The following ADGRG1 variants were observed in gnomAD, a reference collection of about 807,000 sequenced individuals.
ADGRG1 encodes 7-transmembrane protein with no EGF-like N-terminal domains-1.
A neutral mutation model predicts 73.5 loss-of-function variants in ADGRG1; 53 were observed. That is an observed-to-expected ratio of 0.72 (90% CI 0.58 to 0.91). The LOEUF (loss-of-function observed/expected upper bound fraction) is 0.91, where lower values mean the gene tolerates loss of function less well. ADGRG1 is among the 40% of genes least tolerant of loss of function. The pLI is 0.00. For missense variants in ADGRG1, 795 were observed against 871.8 expected, an observed-to-expected ratio of 0.91 and a Z score of 1.11; for synonymous variants, 394 against 374.4, an observed-to-expected ratio of 1.05 and a Z score of -0.60.
At position 57,654,725 on chromosome 16, in the gene ADGRG1, T is replaced by C. The variant is rs567689891; in HGVS notation, c.768+592T>C. ...TGAAACCCTGTCTCTACTAAAAATA[T>C]AAAAATTAGCCGGGCATGGTAGTAC... is the stretch of plus-strand genomic sequence containing the variant. On this transcript the variant is annotated intron_variant, in intron 5 of 13. Transcript: ENST00000562631. Among the ~76,000 whole-genome samples, 14 of 152,036 alleles carry C rather than the reference T, an allele frequency of 9.2e-5. No individual in the cohort carries two copies. In the East Asian group the frequency reaches 2.7e-3, roughly 29 times the overall value.
intron 1 of ADGRG1, chr16:57,634,582 T>A: frequency 1.6e-6 from 1 of 638,922 alleles, no homozygotes; most frequent in Non-Finnish European, 1.9e-6. Context: ...GAGCAGTCAG[T>A]GGTAGCAGAG....
chr16:57,653,018 C>A, intron 3 of ADGRG1, 185 bp from the exon 4 acceptor site: 1 of 1,460,506 alleles, frequency 6.8e-7, no homozygotes, highest in East Asian at 2.5e-5. Context: ...GACACAACCC[C>A]CACGGGTTGG....
chr16:57,639,279 A>G, intron 1 of ADGRG1: 3 of 985,478 alleles, frequency 3.0e-6, no homozygotes, highest in Non-Finnish European at 3.6e-6. Flanking sequence ...TGGCCTGGGC[A>G]GCGTCTGAGT....
chr16:57,654,156 AAGC>A (rs770955891), intron 5 of ADGRG1, 23 bp downstream of exon 5: 25 of 1,606,108 alleles, frequency 1.6e-5, no homozygotes, highest in Non-Finnish European at 2.0e-5. Flanking sequence ...CCTGGGCAGG[AAGC>A]AGATGCGGGT....
chr16:57,633,485 T>G, intron 1 of ADGRG1: 4 of 985,362 alleles, frequency 4.1e-6, no homozygotes, highest in Non-Finnish European at 4.8e-6. Context: ...CCCAGACCTT[T>G]GCTTTTCCAT....
At chr16:57,641,327 C>T (rs1425039684) in intron 1 of ADGRG1, 2 of 985,264 alleles carry the variant, frequency 2.0e-6, no homozygotes, top group Non-Finnish European at 1.2e-6. Flanking sequence ...GCCCTGGCGC[C>T]CAGGAGGCTG....
At chr16:57,638,120 C>T (rs1214555172) in intron 1 of ADGRG1, among the ~76,000 whole-genome samples, 1 of 152,204 alleles carries the variant, frequency 6.6e-6, no homozygotes, top group Non-Finnish European at 1.5e-5. Flanking sequence ...TGGAAGAGAG[C>T]GAGCTCCCTG....
At chr16:57,632,090 G>A (rs920025722) in intron 1 of ADGRG1, 22 of 985,330 alleles carry the variant, frequency 2.2e-5, no homozygotes, top group East Asian at 1.1e-4. Flanking sequence ...CCTTGCACAC[G>A]ACACCCACTT....
At chr16:57,631,938 T>C (rs967843335) in intron 1 of ADGRG1, 13 of 975,940 alleles carry the variant, frequency 1.3e-5, no homozygotes, top group African/African-American at 1.8e-5. Context: ...ACACATTTTC[T>C]GACCACTGCC....
At chr16:57,628,937 T>TGA (rs1555531088) in intron 1 of ADGRG1, 135 bp downstream of exon 1, 5 of 774,780 alleles carry the variant, frequency 6.5e-6, no homozygotes, top group Non-Finnish European at 7.7e-6. Context: ...AGTGTGAGTG[T>TGA]GAGCGTGAGA....
chr16:57,631,794 G>A (rs1181619481), intron 1 of ADGRG1: 13 of 985,794 alleles, frequency 1.3e-5, no homozygotes, highest in Non-Finnish European at 1.4e-5. Flanking sequence ...TCACTTGGCT[G>A]AGACCCTGCC....
At chr16:57,653,798 G>A (rs900486329) in intron 4 of ADGRG1, 188 bp from the exon 5 acceptor site, 3 of 984,454 alleles carry the variant, frequency 3.0e-6, no homozygotes, top group Non-Finnish European at 3.6e-6. Context: ...TCTCCCACAC[G>A]CAGATGCCTG....
intron 1 of ADGRG1, 159 bp downstream of exon 1, chr16:57,628,961 TGA>T (rs1362160756): frequency 2.0e-5 from 11 of 553,456 alleles, no homozygotes; most frequent in Non-Finnish European, 2.4e-5. Flanking sequence ...TGAGAGTGTG[TGA>T]GTGTGAGTGT....
chr16:57,627,211 G>A, upstream of ADGRG1: 2 of 397,486 alleles, frequency 5.0e-6, no homozygotes, highest in Non-Finnish European at 6.9e-6. Context: ...CTCCTAGGCT[G>A]CCCGAGACGT....
At chr16:57,633,487 C>G (rs1190880422) in intron 1 of ADGRG1, 1 of 985,384 alleles carries the variant, frequency 1.0e-6, no homozygotes, top group Non-Finnish European at 1.2e-6. Context: ...CAGACCTTTG[C>G]TTTTCCATCC....
At chr16:57,646,639 C>A (rs1375809264) in intron 1 of ADGRG1, 6 of 985,034 alleles carry the variant, frequency 6.1e-6, no homozygotes, top group Non-Finnish European at 7.2e-6. Flanking sequence ...ATTCTAAAGC[C>A]GGGGAGTTGG....
chr16:57,655,343 G>A lies in ADGRG1; in HGVS notation c.769-56G>A, dbSNP rs116436843. On this transcript the variant is annotated intron_variant, in intron 5 of 13. Transcript: ENST00000562631. ...GGTGTGTGTGTGTGTGTGCTAGGGT[G>A]GGGGGCACGGATCTAGGGGTCCGCA... The A allele has an allele frequency of 6.1e-4, 971 of 1,600,658 alleles. 10 individuals carry two copies. The African/African-American group carries it at 0.012, about 20-fold the overall frequency.
intron 9 of ADGRG1, 113 bp from the exon 10 acceptor site, chr16:57,657,260 T>C (rs999272590): frequency 4.0e-6 from 6 of 1,504,930 alleles, no homozygotes; most frequent in Non-Finnish European, 5.5e-6. Flanking sequence ...GGAGAGGGGG[T>C]TCTTAGGCTT....
chr16:57,663,484 C>T lies in ADGRG1; in HGVS notation c.1966C>T (p.Arg656Trp), dbSNP rs200285648. 45 of 1,613,796 alleles carry T rather than the reference C, an allele frequency of 2.8e-5. No homozygotes were observed. The highest frequency in any genetic ancestry group is 1.5e-4 in the Admixed American group (9 of 60,012). ...CATCTTCATCTGGTACTGGTCCATG[C>T]GGCTGCAGGCCCGGGGTGGCCCCTC... ...FLIFIWYWSM[R>W]LQARGGPSPL... is the part of the protein sequence containing the mutation. Residue 656 changes from arginine (R) to tryptophan (W), a missense_variant, in exon 14 of 14, where the codon CGG (arginine) becomes TGG (tryptophan). Transcript: ENST00000562631.
Sources: allele counts gnomAD v4.1 joint callset (sites outside exome capture counted in the v4.1 genomes callset), GRCh38; gene constraint gnomAD v4.1.1; transcripts MANE v1.5; gene names NCBI Gene and HGNC (gene_info 2026-07-23, HGNC 2026-07-21).